AZI2: variants seen among roughly 807,000 people sequenced by gnomAD.
The protein encoded by AZI2 is 5-azacytidine induced 2.
In AZI2, 22 loss-of-function variants were observed where a neutral mutation model predicts 45.8. The observed-to-expected ratio is 0.48, with a 90% CI of 0.34 to 0.69. The LOEUF (loss-of-function observed/expected upper bound fraction) is 0.69. Ranked by LOEUF, AZI2 falls within the 30% of genes least tolerant of loss-of-function variation. The probability of loss-of-function intolerance (pLI) is 0.01; values close to 1 mark genes in which losing one functional copy is unlikely to be tolerated. For missense variants in AZI2, 417 were observed against 441.5 expected, an observed-to-expected ratio of 0.94 and a Z score of 0.50; for synonymous variants, 137 against 156.7, an observed-to-expected ratio of 0.87 and a Z score of 0.94.
chr3:28,347,698 G>A (rs1403122995), intron 1 of AZI2, among the ~76,000 whole-genome samples: 2 of 152,104 alleles, frequency 1.3e-5, no homozygotes, highest in Non-Finnish European at 2.9e-5. Flanking sequence ...TTCTACTTGC[G>A]TAAGATGTCT....
chr3:28,331,009 G>A (rs1400684293), intron 6 of AZI2, among the ~76,000 whole-genome samples: 1 of 151,204 alleles, frequency 6.6e-6, no homozygotes, highest in Admixed American at 6.6e-5. Context: ...CCAAATCCTG[G>A]CACAGAGATT....
At chr3:28,331,956 T>TCAAAAAA in intron 6 of AZI2, 3 of 1,512,282 alleles carry the variant, frequency 2.0e-6, no homozygotes, top group East Asian at 2.5e-5. Context: ...ATACTCTGTC[T>TCAAAAAA]CAAAAAACAA....
intron 1 of AZI2, among the ~76,000 whole-genome samples, chr3:28,342,149 T>A (rs1559463564): frequency 6.6e-6 from 1 of 152,136 alleles, no homozygotes; most frequent in African/African-American, 2.4e-5. Flanking sequence ...ATTATATTTT[T>A]GCTTTTCTAA....
rs1224720578 is a variant in AZI2 at position 28,336,792 on chromosome 3, A to G, written c.533T>C (p.Leu178Pro). Reference protein sequence around the residue: ...KIHGLEQELELMRKECSDLKI... With the variant: ...KIHGLEQELEPMRKECSDLKI... ...GAGATCGCTACATTCTTTCCTCATCAGTTCCAGCTCTTGTTCCAAACCATG... is the reference window on the plus strand; with the variant it reads ...GAGATCGCTACATTCTTTCCTCATCGGTTCCAGCTCTTGTTCCAAACCATG... Residue 178 changes from leucine (L) to proline (P), a missense_variant, in exon 5 of 8, where the codon CTG becomes CCG. By Grantham distance (98) the Leu-to-Pro change is moderately conservative. Transcript: ENST00000479665. 2 of 1,613,364 alleles carry G rather than the reference A, an allele frequency of 1.2e-6. No homozygotes were observed. Among genetic ancestry groups the G allele is most frequent in the African/African-American group, 2.7e-5 (2 of 74,884 alleles).
intron 1 of AZI2, among the ~76,000 whole-genome samples, chr3:28,343,328 T>A (rs1276823286): frequency 6.6e-6 from 1 of 151,958 alleles, no homozygotes; most frequent in Non-Finnish European, 1.5e-5. Flanking sequence ...TTTGTTAACT[T>A]CCAGCAGGGG....
intron 6 of AZI2, among the ~76,000 whole-genome samples, chr3:28,329,773 C>T (rs78887622): frequency 0.026 from 3,900 of 151,166 alleles, 75 homozygotes; most frequent in Non-Finnish European, 0.039. Flanking sequence ...AACTGCGGTT[C>T]CCCCCAAACA....
intron 6 of AZI2, among the ~76,000 whole-genome samples, chr3:28,327,263 TATTA>T (rs1703422379): frequency 6.6e-6 from 1 of 151,158 alleles, no homozygotes; most frequent in South Asian, 2.1e-4. Flanking sequence ...AATGTGCAGC[TATTA>T]ATTAGTAAGT....
intron 5 of AZI2, among the ~76,000 whole-genome samples, chr3:28,336,015 C>G (rs1703774644): frequency 6.6e-6 from 1 of 152,024 alleles, no homozygotes; most frequent in Non-Finnish European, 1.5e-5. Flanking sequence ...CACTACCTTG[C>G]TTCTTTATCA....
intron 3 of AZI2, 21 bp from the exon 4 acceptor site, chr3:28,338,057 C>A: frequency 1.5e-6 from 2 of 1,372,614 alleles, no homozygotes; most frequent in Non-Finnish European, 1.0e-6. Flanking sequence ...AGGGAAAATG[C>A]CAAATTACAT....
intron 1 of AZI2, among the ~76,000 whole-genome samples, chr3:28,345,483 ATT>A (rs1235244258): frequency 2.6e-5 from 4 of 152,158 alleles, no homozygotes; most frequent in Non-Finnish European, 5.9e-5. Flanking sequence ...TGGCAATTAA[ATT>A]TTGTTTCTCC....
At chr3:28,331,956 TCAAAAAA>T (rs2125645953) in intron 6 of AZI2, 7 of 1,512,266 alleles carry the variant, frequency 4.6e-6, no homozygotes, top group Middle Eastern at 1.7e-4. Context: ...ATACTCTGTC[TCAAAAAA>T]CAAAAAACAA....
chr3:28,347,269 T>C (rs1290822925), intron 1 of AZI2, among the ~76,000 whole-genome samples: 1 of 152,242 alleles, frequency 6.6e-6, no homozygotes, highest in Non-Finnish European at 1.5e-5. Flanking sequence ...AGGTTCTGCA[T>C]TGGTAATTAA....
intron 5 of AZI2, among the ~76,000 whole-genome samples, chr3:28,336,307 C>T (rs535153645): frequency 6.6e-4 from 100 of 151,978 alleles, no homozygotes; most frequent in Middle Eastern, 6.8e-3. Context: ...CTTTGTTGGT[C>T]GTGTTTTTCT....
chr3:28,322,761 A>C lies in AZI2; in HGVS notation c.*1281T>G, dbSNP rs1413298396. 6.6e-6 allele frequency: 1 copy of C among 151,642 alleles called. No individual in the cohort carries two copies. Among genetic ancestry groups the C allele is most frequent in the Non-Finnish European group, 1.5e-5 (1 of 67,412 alleles). 9.4% of individuals were successfully genotyped at this position (151,642 alleles called of 1,614,324 possible). On this transcript the variant is annotated 3_prime_UTR_variant, in exon 8 of 8. Transcript: ENST00000479665. ...CAAGCTTGAATAAGTGTAAGATAAT[A>C]GAAAAAAATATCTAGTGAATGGCGA...
chr3:28,327,277 T>C (rs1371966506), intron 6 of AZI2, among the ~76,000 whole-genome samples: 2 of 151,166 alleles, frequency 1.3e-5, no homozygotes, highest in Non-Finnish European at 3.0e-5. Flanking sequence ...AATTAGTAAG[T>C]AGTAAGAAAT....
At chr3:28,342,466 A>G (rs1037670345) in intron 1 of AZI2, among the ~76,000 whole-genome samples, 7 of 152,022 alleles carry the variant, frequency 4.6e-5, no homozygotes, top group Admixed American at 3.3e-4. Flanking sequence ...ATAATTACTC[A>G]TGCTGCTTCT....
intron 6 of AZI2, among the ~76,000 whole-genome samples, chr3:28,331,450 A>G (rs961076237): frequency 2.0e-5 from 3 of 151,552 alleles, no homozygotes; most frequent in African/African-American, 7.3e-5. Context: ...GCAGAGTTAA[A>G]TAACAACAGA....
chr3:28,327,345 CA>C (rs1703424642), intron 6 of AZI2, among the ~76,000 whole-genome samples: 1 of 151,008 alleles, frequency 6.6e-6, no homozygotes, highest in Non-Finnish European at 1.5e-5. Flanking sequence ...AAATATGGAT[CA>C]ATTTGTATTT....
chr3:28,326,479 C>A, intron 7 of AZI2: 2 of 171,434 alleles, frequency 1.2e-5, no homozygotes, highest in Non-Finnish European at 2.4e-5. Context: ...TGAAAATTTG[C>A]TTTTGGTGTC....
Sources: allele counts gnomAD v4.1 joint callset (sites outside exome capture counted in the v4.1 genomes callset), GRCh38; gene constraint gnomAD v4.1.1; transcripts MANE v1.5; gene names NCBI Gene and HGNC (gene_info 2026-07-23, HGNC 2026-07-21).